Variants in DMC1 observed in about 807,000 individuals in gnomAD.
The protein encoded by DMC1 is DNA meiotic recombinase 1.
DMC1 carries 27 observed loss-of-function variants against 50.1 expected under a neutral mutation model. The ratio of observed to expected loss-of-function variants is 0.54; its 90% CI spans 0.40 to 0.74. The LOEUF (loss-of-function observed/expected upper bound fraction) is 0.74, where lower values mean the gene tolerates loss of function less well. Ranked by LOEUF, DMC1 falls within the 30% of genes least tolerant of loss-of-function variation. DMC1 has a pLI of 0.00. For synonymous variants in DMC1, 148 were observed against 136.1 expected (o/e 1.09, Z -0.61); for missense variants, 295 against 420.2 (o/e 0.70, Z 2.60).
chr22:38,546,046 T>G (rs1451183027), intron 8 of DMC1: 1 of 152,378 alleles, frequency 6.6e-6, no homozygotes, highest in Non-Finnish European at 1.5e-5. Flanking sequence ...TCTTCTCCAC[T>G]CTCTCTTGCA....
intron 12 of DMC1, among the ~76,000 whole-genome samples, chr22:38,534,811 G>A (rs868002484): frequency 6.6e-6 from 1 of 151,678 alleles, no homozygotes; most frequent in Non-Finnish European, 1.5e-5. Context: ...AGACCAGCCT[G>A]GCCAACGTGG....
chr22:38,566,888 T>G lies in DMC1; in HGVS notation c.97-152A>C, dbSNP rs1463841751. The G allele has an allele frequency of 7.9e-6, 6 of 757,826 alleles. No homozygotes were observed. In the African/African-American group the frequency reaches 1.0e-4, roughly 13 times the overall value. The allele number at this position is 757,826 out of a possible 1,614,324, so 46.9% of individuals were successfully genotyped here. A position where few individuals can be genotyped will look rare whatever the true frequency, so the allele number is the denominator to read the frequency against. On this transcript the variant is annotated intron_variant, in intron 3 of 13. Transcript: ENST00000216024. ...GGAACCCACCCACCATGTAGCCAAA[T>G]GTTCTGGAAATATCTGAGTAGAACA...
intron 12 of DMC1, among the ~76,000 whole-genome samples, chr22:38,526,370 C>T (rs142773860): frequency 2.8e-4 from 43 of 151,906 alleles, no homozygotes; most frequent in African/African-American, 9.2e-4. Context: ...CCACCACGCC[C>T]GGCTAATTTT....
rs780552104 is a variant in DMC1, at chr22:38,562,314, T to C, written c.299A>G (p.His100Arg). 4.3e-6 allele frequency: 7 copies of C among 1,612,600 alleles called. No homozygotes were observed. Among genetic ancestry groups the C allele is most frequent in the African/African-American group, 2.7e-5 (2 of 74,984 alleles). The change falls in exon 5 of 14, where the codon CAT becomes CGT. Residue 100 changes from histidine (H) to arginine (R), a missense_variant. Transcript: ENST00000216024. ...AAATTCCTGGCTCCCGGTGGTGATA[T>C]GGAAAACCATTTTCCTCTTTTCACT... is the stretch of plus-strand genomic sequence containing the variant. ...EYSEKRKMVF[H>R]ITTGSQEFDK...
In DMC1 at chr22:38,537,666, T is replaced by C. The variant is rs778425917; in HGVS notation, c.776-14A>G. 3.2e-5 allele frequency: 51 copies of C among 1,609,366 alleles called. 1 individual carries two copies. In the Middle Eastern group the frequency reaches 1.2e-3, roughly 37 times the overall value. On this transcript the variant is annotated splice_polypyrimidine_tract_variant and intron_variant, in intron 11 of 13. Coordinates refer to ENST00000216024, the MANE Select transcript of DMC1 (RefSeq NM_007068.4). ...CCACGTTATATTCTGCATCAAGAGATAAAATTTTAAAACTATGAGAAAGGC... is the reference window on the plus strand; with the variant it reads ...CCACGTTATATTCTGCATCAAGAGACAAAATTTTAAAACTATGAGAAAGGC...
At chr22:38,566,770 A>G in intron 3 of DMC1, 34 bp from the exon 4 acceptor site, 1 of 1,608,980 alleles carries the variant, frequency 6.2e-7, no homozygotes, top group Non-Finnish European at 8.5e-7. Context: ...GCAGACTGAT[A>G]AGATGCCAGC....
chr22:38,566,981 A>T (rs2146035783), intron 3 of DMC1, among the ~76,000 whole-genome samples: 1 of 152,348 alleles, frequency 6.6e-6, no homozygotes, highest in East Asian at 1.9e-4. Context: ...AGACCATGGC[A>T]ATGTAACAAG....
At chr22:38,521,550 C>G (rs1005172333) in intron 13 of DMC1, 58 bp downstream of exon 13, 259 of 793,660 alleles carry the variant, frequency 3.3e-4, no homozygotes, top group African/African-American at 2.9e-3. Flanking sequence ...CACACACACA[C>G]ACACACACAC....
chr22:38,566,791 C>G, intron 3 of DMC1, 55 bp from the exon 4 acceptor site: 1 of 1,545,786 alleles, frequency 6.5e-7, no homozygotes, highest in Non-Finnish European at 8.9e-7. Flanking sequence ...CTGCAAGGCT[C>G]CCATACTATG....
intron 12 of DMC1, among the ~76,000 whole-genome samples, chr22:38,537,122 G>A (rs2090222550): frequency 6.6e-6 from 1 of 152,178 alleles, no homozygotes; most frequent in Non-Finnish European, 1.5e-5. Context: ...AAAGTGTTGG[G>A]ATTACAGGCA....
intron 12 of DMC1, among the ~76,000 whole-genome samples, chr22:38,524,165 C>A (rs2090061243): frequency 6.6e-6 from 1 of 152,182 alleles, no homozygotes; most frequent in South Asian, 2.1e-4. Flanking sequence ...CCTGTAATCC[C>A]AGCACTTTGG....
downstream of DMC1, among the ~76,000 whole-genome samples, chr22:38,515,165 C>T (rs1415888016): frequency 6.6e-6 from 1 of 150,570 alleles, no homozygotes; most frequent in Non-Finnish European, 1.5e-5. Flanking sequence ...TGTGCCTAGC[C>T]TGAAGGCAAG....
At chr22:38,552,755 T>C (rs751457046) in intron 6 of DMC1, 48 bp from the exon 7 acceptor site, 16 of 1,265,656 alleles carry the variant, frequency 1.3e-5, no homozygotes, top group South Asian at 8.5e-5. Flanking sequence ...AATTTCCAGA[T>C]ATTTTCATAA....
intron 5 of DMC1, among the ~76,000 whole-genome samples, chr22:38,559,915 G>A (rs2090508862): frequency 6.6e-6 from 1 of 151,984 alleles, no homozygotes; most frequent in African/African-American, 2.4e-5. Context: ...CTACTCGGGA[G>A]GCTGAGGCAG....
intron 8 of DMC1, among the ~76,000 whole-genome samples, chr22:38,548,152 T>C (rs1023147609): frequency 6.6e-6 from 1 of 152,208 alleles, no homozygotes; most frequent in Admixed American, 6.5e-5. Context: ...TTCTCCTCTC[T>C]TCTCTCTCTA....
intron 12 of DMC1, among the ~76,000 whole-genome samples, chr22:38,534,063 C>T (rs569101583): frequency 6.6e-6 from 1 of 152,194 alleles, no homozygotes; most frequent in African/African-American, 2.4e-5. Context: ...AAAAGTCTAA[C>T]AAAGGTTGAA....
chr22:38,550,058 A>G lies in DMC1; in HGVS notation c.422-61T>C, dbSNP rs2090386814. 4 of 1,190,768 alleles carry G rather than the reference A, an allele frequency of 3.4e-6. No homozygotes were observed. The Admixed American group carries it at 7.6e-5, about 23-fold the overall frequency. The allele number at this position is 1,190,768 out of a possible 1,614,324, so 73.8% of individuals were successfully genotyped here. A position where few individuals can be genotyped will look rare whatever the true frequency, so the allele number is the denominator to read the frequency against. ...GAATAAACTTTGTACACATGACTAT[A>G]TAAATACACATGGAATCTGCTGTTG... On this transcript the variant is annotated intron_variant, in intron 7 of 13. Coordinates refer to ENST00000216024, the MANE Select transcript of DMC1 (RefSeq NM_007068.4).
chr22:38,536,945 G>A (rs1349557910), intron 12 of DMC1, among the ~76,000 whole-genome samples: 27 of 152,116 alleles, frequency 1.8e-4, no homozygotes. Context: ...CCGCCTCCCA[G>A]GTTCAAGTGA....
intron 8 of DMC1, among the ~76,000 whole-genome samples, chr22:38,541,946 G>A (rs1042116014): frequency 4.6e-5 from 7 of 150,778 alleles, no homozygotes; most frequent in Admixed American, 2.0e-4. Flanking sequence ...TCAACAGAAC[G>A]GACAAAAAAC....
Sources: allele counts gnomAD v4.1 joint callset (sites outside exome capture counted in the v4.1 genomes callset), GRCh38; gene constraint gnomAD v4.1.1; transcripts MANE v1.5; gene names NCBI Gene and HGNC (gene_info 2026-07-23, HGNC 2026-07-21).